The following INPP4B variants were observed in gnomAD, a reference collection of about 807,000 sequenced individuals.
INPP4B encodes inositol polyphosphate-4-phosphatase type II B, also known as inositol polyphosphate 4-phosphatase type II.
Under a neutral mutation model 122.5 loss-of-function variants are expected in INPP4B, and 55 were observed. That is an observed-to-expected ratio of 0.45 (90% CI 0.36 to 0.56). The LOEUF is 0.56. Ranked by LOEUF, INPP4B falls within the 20% of genes least tolerant of loss-of-function variation. INPP4B has a pLI of 0.00. For missense variants in INPP4B, 1,000 were observed against 1,097.7 expected, an observed-to-expected ratio of 0.91 and a Z score of 1.26; for synonymous variants, 403 against 388.7, an observed-to-expected ratio of 1.04 and a Z score of -0.43.
chr4:142,822,434 T>G (rs1370120355), intron 1 of INPP4B, among the ~76,000 whole-genome samples: 15 of 152,242 alleles, frequency 9.9e-5, no homozygotes, highest in Admixed American at 7.9e-4. Flanking sequence ...GGAGGTGAGC[T>G]GCAGGAGAGT....
intron 25 of INPP4B, among the ~76,000 whole-genome samples, chr4:142,058,936 A>G (rs1560970494): frequency 6.6e-6 from 1 of 152,146 alleles, no homozygotes; most frequent in Non-Finnish European, 1.5e-5. Flanking sequence ...TCACCCAAAT[A>G]TAGTCTTGCC....
At chr4:142,199,067 C>T (rs1407097035) in intron 14 of INPP4B, among the ~76,000 whole-genome samples, 1 of 152,040 alleles carries the variant, frequency 6.6e-6, no homozygotes, top group Non-Finnish European at 1.5e-5. Flanking sequence ...TTTCGTATCA[C>T]ATAAAATAAT....
intron 25 of INPP4B, among the ~76,000 whole-genome samples, chr4:142,032,740 A>G (rs1480765440): frequency 1.3e-5 from 2 of 152,128 alleles, no homozygotes; most frequent in Admixed American, 1.3e-4. Context: ...CTATTTCCTT[A>G]TCTGTAAAGT....
At chr4:142,360,298 A>AGTTTTAT (rs1370251174) in intron 7 of INPP4B, among the ~76,000 whole-genome samples, 1 of 151,954 alleles carries the variant, frequency 6.6e-6, no homozygotes, top group Non-Finnish European at 1.5e-5. Flanking sequence ...ACCAGGGTCA[A>AGTTTTAT]ATTACAAAAC....
At chr4:142,240,027 G>A (rs1858545815) in intron 11 of INPP4B, among the ~76,000 whole-genome samples, 1 of 147,266 alleles carries the variant, frequency 6.8e-6, no homozygotes, top group Non-Finnish European at 1.5e-5. Context: ...GTCTTCCTTT[G>A]TTGATCTCAA....
At chr4:142,261,013 G>T (rs1739721850) in intron 10 of INPP4B, among the ~76,000 whole-genome samples, 1 of 152,194 alleles carries the variant, frequency 6.6e-6, no homozygotes, top group Admixed American at 6.5e-5. Context: ...TAGGGCAAAA[G>T]ATTATTTTGC....
At chr4:142,488,904 T>C (rs1821512664) in intron 2 of INPP4B, among the ~76,000 whole-genome samples, 1 of 152,120 alleles carries the variant, frequency 6.6e-6, no homozygotes, top group South Asian at 2.1e-4. Context: ...ACTTTGGTTT[T>C]AATTTACTCT....
intron 15 of INPP4B, among the ~76,000 whole-genome samples, chr4:142,184,230 G>A (rs571726281): frequency 2.0e-5 from 3 of 152,288 alleles, no homozygotes; most frequent in African/African-American, 7.2e-5. Context: ...ACTTGGAGGT[G>A]TTAAAGTCAC....
At chr4:142,782,817 A>C (rs1219026535) in intron 1 of INPP4B, among the ~76,000 whole-genome samples, 1 of 151,836 alleles carries the variant, frequency 6.6e-6, no homozygotes, top group Non-Finnish European at 1.5e-5. Context: ...CAAAACAGAG[A>C]TATAGATCAA....
intron 5 of INPP4B, among the ~76,000 whole-genome samples, chr4:142,415,716 C>T (rs563203524): frequency 2.6e-5 from 4 of 152,204 alleles, no homozygotes; most frequent in East Asian, 1.9e-4. Context: ...ATGTTTATTA[C>T]GGCACTATTC....
Position 142,208,533 on chromosome 4 carries a change from A to C in INPP4B, c.968-4T>G. The stretch of plus-strand genomic sequence containing the variant: ...CTGCTTGATTTGAAAGAGGACCCTG[A>C]TGGAAACCAGAAATTAAACATTATT... On this transcript the variant is annotated splice_region_variant and splice_polypyrimidine_tract_variant and intron_variant, in intron 13 of 25. Transcript: ENST00000262992. 1 of 1,495,260 alleles carries C rather than the reference A, an allele frequency of 6.7e-7. No homozygotes were observed. The highest frequency in any genetic ancestry group is 9.2e-7 in the Non-Finnish European group (1 of 1,089,190). The allele number at this position is 1,495,260 out of a possible 1,614,324, so 92.6% of individuals were successfully genotyped here.
intron 2 of INPP4B, among the ~76,000 whole-genome samples, chr4:142,675,153 A>T (rs1038241001): frequency 6.6e-6 from 1 of 152,166 alleles, no homozygotes; most frequent in Non-Finnish European, 1.5e-5. Flanking sequence ...TGCAATGAAA[A>T]TGATAAAGGT....
chr4:142,190,966 G>T (rs1167170868), intron 15 of INPP4B, among the ~76,000 whole-genome samples: 6 of 151,852 alleles, frequency 4.0e-5, no homozygotes, highest in African/African-American at 1.5e-4. Flanking sequence ...CTACCCTATG[G>T]GCAGTTTTGA....
At chr4:142,258,180 T>C (rs1484395968) in intron 11 of INPP4B, among the ~76,000 whole-genome samples, 2 of 152,168 alleles carry the variant, frequency 1.3e-5, no homozygotes, top group Non-Finnish European at 2.9e-5. Flanking sequence ...ATCCCTTCCT[T>C]ATACCTTATA....
chr4:142,102,940 C>T (rs1381886566), intron 23 of INPP4B, among the ~76,000 whole-genome samples: 1 of 152,138 alleles, frequency 6.6e-6, no homozygotes, highest in Non-Finnish European at 1.5e-5. Context: ...AACTCTCTCA[C>T]TTGATTCTAT....
chr4:142,546,475 C>T (rs1467816889), intron 2 of INPP4B, among the ~76,000 whole-genome samples: 3 of 152,032 alleles, frequency 2.0e-5, no homozygotes, highest in African/African-American at 4.8e-5. Context: ...AACCATAGTA[C>T]ATGTCCAAAA....
chr4:142,592,777 G>GAGT (rs1737788863), intron 2 of INPP4B, among the ~76,000 whole-genome samples: 1 of 152,074 alleles, frequency 6.6e-6, no homozygotes, highest in Non-Finnish European at 1.5e-5. Context: ...TGTTGGATTG[G>GAGT]AGTAAGGAAA....
At chr4:142,344,001 T>A (rs1779499549) in intron 7 of INPP4B, among the ~76,000 whole-genome samples, 1 of 152,102 alleles carries the variant, frequency 6.6e-6, no homozygotes, top group African/African-American at 2.4e-5. Context: ...TAAGCTAAAC[T>A]ATAATAACAG....
In INPP4B at chr4:142,208,995, A is replaced by C; in HGVS notation, c.868T>G (p.Ser290Ala). The change falls in exon 13 of 26, where the codon TCT (serine) becomes GCT (alanine). Residue 290 changes from serine to alanine, a missense_variant. Ser to Ala is a moderately conservative substitution (Grantham distance 99, BLOSUM62 1). Transcript: ENST00000262992. ...TTTCGCAGATTGTCCCAATGTGGAG[A>C]AAGCTCACCAAGTTCTTTTATCTCC... ...NQEIKELGEL[S>A]PHWDNLRKNV... 1.2e-6 allele frequency: 2 copies of C among 1,604,252 alleles called. No individual in the cohort carries two copies. Among genetic ancestry groups the C allele is most frequent in the Non-Finnish European group, 1.7e-6 (2 of 1,173,838 alleles).
Sources: gnomAD v4.1 joint callset for allele counts (sites outside exome capture counted in the v4.1 genomes callset) on GRCh38, gnomAD v4.1.1 for gene constraint, MANE v1.5 for transcripts, NCBI Gene and HGNC (gene_info 2026-07-23, HGNC 2026-07-21) for gene names.